Variants in DTNA observed in about 807,000 individuals in gnomAD.
DTNA encodes the protein dystrophin-related protein 3.
DTNA carries 43 observed loss-of-function variants against 100.7 expected under a neutral mutation model. The ratio of observed to expected loss-of-function variants is 0.43; its 90% CI spans 0.33 to 0.55. The LOEUF (loss-of-function observed/expected upper bound fraction) is 0.55, where lower values mean the gene tolerates loss of function less well. Among genes scored for constraint, DTNA ranks in the 20% least tolerant of loss-of-function variants. The probability of loss-of-function intolerance (pLI) is 0.04; values close to 1 mark genes in which losing one functional copy is unlikely to be tolerated. For missense variants in DTNA, 798 were observed against 953.9 expected (o/e 0.84, Z 2.15); for synonymous variants, 349 against 347.9 (o/e 1.00, Z -0.04).
At chr18:34,522,260 A>T (rs1056492680) in intron 1 of DTNA, among the ~76,000 whole-genome samples, 1 of 152,134 alleles carries the variant, frequency 6.6e-6, no homozygotes, top group African/African-American at 2.4e-5. Flanking sequence ...TGGGCTTTGC[A>T]TCCTGTTCTT....
At chr18:34,723,605 A>T (rs1206099533) in intron 1 of DTNA, among the ~76,000 whole-genome samples, 1 of 152,196 alleles carries the variant, frequency 6.6e-6, no homozygotes, top group Non-Finnish European at 1.5e-5. Context: ...CAACTAAAAA[A>T]AGTAAAAATA....
chr18:34,765,177 G>A (rs534584745), intron 2 of DTNA, among the ~76,000 whole-genome samples: 1 of 152,320 alleles, frequency 6.6e-6, no homozygotes, highest in Admixed American at 6.5e-5. Flanking sequence ...GGCATCAGGA[G>A]CCATGCTGGA....
chr18:34,840,401 G>A (rs2096246775), intron 13 of DTNA, among the ~76,000 whole-genome samples: 1 of 152,030 alleles, frequency 6.6e-6, no homozygotes, highest in Non-Finnish European at 1.5e-5. Flanking sequence ...AATTGTATTG[G>A]TCATCTTTGA....
At chr18:34,672,611 T>C (rs1294756474) in intron 1 of DTNA, among the ~76,000 whole-genome samples, 1 of 152,212 alleles carries the variant, frequency 6.6e-6, no homozygotes, top group African/African-American at 2.4e-5. Flanking sequence ...TACTGATGTC[T>C]CATATCTTCA....
At chr18:34,805,238 G>T (rs1011320342) in intron 4 of DTNA, among the ~76,000 whole-genome samples, 13 of 152,132 alleles carry the variant, frequency 8.5e-5, no homozygotes, top group Non-Finnish European at 1.6e-4. Flanking sequence ...TATCACATTT[G>T]TGAAGGACAG....
At chr18:34,886,545 A>G (rs1240936026) in intron 22 of DTNA, among the ~76,000 whole-genome samples, 1 of 152,230 alleles carries the variant, frequency 6.6e-6, no homozygotes, top group Non-Finnish European at 1.5e-5. Context: ...GTTCTTAGAA[A>G]AATATTTTTG....
intron 22 of DTNA, among the ~76,000 whole-genome samples, chr18:34,887,086 C>T (rs757884187): frequency 1.3e-5 from 2 of 152,126 alleles, no homozygotes; most frequent in African/African-American, 2.4e-5. Context: ...TGGGAAGAGG[C>T]AGAAGGTGGA....
chr18:34,622,077 C>G (rs2056601636), intron 1 of DTNA, among the ~76,000 whole-genome samples: 2 of 152,000 alleles, frequency 1.3e-5, no homozygotes. Context: ...TTTTGGAGAT[C>G]TATTGGTGAC....
chr18:34,755,770 C>T, intron 1 of DTNA: 2 of 541,650 alleles, frequency 3.7e-6, no homozygotes, highest in East Asian at 6.3e-5. Context: ...TATCCCCCCT[C>T]CAACAACTAC....
intron 1 of DTNA, among the ~76,000 whole-genome samples, chr18:34,614,896 G>C (rs1379161911): frequency 6.6e-6 from 1 of 152,184 alleles, no homozygotes; most frequent in Non-Finnish European, 1.5e-5. Context: ...AATTTTGAAA[G>C]AAGTTCTACT....
chr18:34,615,873 A>T (rs2147703189), intron 1 of DTNA, among the ~76,000 whole-genome samples: 1 of 152,310 alleles, frequency 6.6e-6, no homozygotes, highest in South Asian at 2.1e-4. Context: ...TTCACTTAGG[A>T]TAATGGCCTC....
intron 1 of DTNA, among the ~76,000 whole-genome samples, chr18:34,569,668 A>G (rs1299753008): frequency 6.6e-6 from 1 of 152,162 alleles, no homozygotes; most frequent in Non-Finnish European, 1.5e-5. Context: ...TCAAAAATCT[A>G]CAGAGTGGGA....
intron 1 of DTNA, among the ~76,000 whole-genome samples, chr18:34,552,683 C>A (rs1213196245): frequency 6.6e-6 from 1 of 151,584 alleles, no homozygotes; most frequent in Non-Finnish European, 1.5e-5. Flanking sequence ...CAATTTCATC[C>A]ATGTCCCTAC....
chr18:34,625,998 C>T (rs1027406235), intron 1 of DTNA, among the ~76,000 whole-genome samples: 1 of 152,082 alleles, frequency 6.6e-6, no homozygotes, highest in Admixed American at 6.6e-5. Context: ...ACAAGGAATC[C>T]GGATTTGATC....
At chr18:34,566,647 G>A (rs904036161) in intron 1 of DTNA, among the ~76,000 whole-genome samples, 5 of 152,098 alleles carry the variant, frequency 3.3e-5, no homozygotes, top group Middle Eastern at 3.2e-3. Flanking sequence ...CTCTCTTCTC[G>A]TTGCAGGACA....
intron 16 of DTNA, among the ~76,000 whole-genome samples, chr18:34,863,663 G>A (rs1366651509): frequency 6.6e-6 from 1 of 152,072 alleles, no homozygotes; most frequent in Non-Finnish European, 1.5e-5. Context: ...CACATCACAG[G>A]GCCCACTACA....
chr18:34,751,406 A>ATC (rs1280506720), intron 1 of DTNA, among the ~76,000 whole-genome samples: 2 of 152,090 alleles, frequency 1.3e-5, no homozygotes, highest in African/African-American at 2.4e-5. Flanking sequence ...CTAAACCTGA[A>ATC]TCTCTATACA....
At chr18:34,779,664 G>T (rs1336716217) in intron 3 of DTNA, among the ~76,000 whole-genome samples, 4 of 152,012 alleles carry the variant, frequency 2.6e-5, no homozygotes, top group Non-Finnish European at 5.9e-5. Flanking sequence ...CCTTTTCAAA[G>T]CCCCCTCCCC....
At chr18:34,742,657 A>ATCTATTATCTATCTAGATAGATAGATAG (rs1555752618) in intron 1 of DTNA, among the ~76,000 whole-genome samples, 2 of 152,028 alleles carry the variant, frequency 1.3e-5, no homozygotes, top group Non-Finnish European at 2.9e-5. Flanking sequence ...TAGATAGATA[A>ATCTATTATCTATCTAGATAGATAGATAG]TCTATTATCT....
Sources: gnomAD v4.1 joint callset for allele counts (sites outside exome capture counted in the v4.1 genomes callset) on GRCh38, gnomAD v4.1.1 for gene constraint, MANE v1.5 for transcripts, NCBI Gene and HGNC (gene_info 2026-07-23, HGNC 2026-07-21) for gene names.